LARGE1: variants seen among roughly 807,000 people sequenced by gnomAD.
LARGE1 encodes xylosyl- and glucuronyltransferase LARGE1.
A neutral mutation model predicts 87.6 loss-of-function variants in LARGE1; 43 were observed. The ratio of observed to expected loss-of-function variants is 0.49; its 90% confidence interval spans 0.38 to 0.63. The LOEUF (loss-of-function observed/expected upper bound fraction) is 0.63, where lower values mean the gene tolerates loss of function less well. Among genes scored for constraint, LARGE1 ranks in the 30% least tolerant of loss-of-function variants. The pLI, the probability that LARGE1 is intolerant of heterozygous loss-of-function variation, is 0.00. For missense variants in LARGE1, 802 were observed against 1,000.2 expected (o/e 0.80, Z 2.67); for synonymous variants, 434 against 394.6 (o/e 1.10, Z -1.18).
Position 33,438,225 on chromosome 22 carries a change from A to G in LARGE1, c.788-5960T>C, listed in dbSNP as rs189851030. Among the ~76,000 whole-genome samples, 3 of 152,202 alleles carry G rather than the reference A, an allele frequency of 2.0e-5. No homozygotes were observed. The East Asian group carries it at 5.8e-4, about 29-fold the overall frequency. On this transcript the variant is annotated intron_variant, in intron 6 of 14. Coordinates refer to ENST00000397394, the MANE Select transcript of LARGE1 (RefSeq NM_133642.5). ...ACATCTTCAGCTTGCCATCGTGTGA[A>G]GAGGTAAAATCCCAGGGGATTCCTT...
intron 9 of LARGE1, among the ~76,000 whole-genome samples, chr22:33,339,243 T>C (rs899824170): frequency 6.6e-6 from 1 of 150,834 alleles, no homozygotes; most frequent in African/African-American, 2.4e-5. Context: ...GTGCTGGAGC[T>C]TGAGGGAGAC....
At chr22:33,840,436 G>A (rs143682139) in intron 1 of LARGE1, among the ~76,000 whole-genome samples, 1 of 152,252 alleles carries the variant, frequency 6.6e-6, no homozygotes, top group Non-Finnish European at 1.5e-5. Context: ...AAAATACTGA[G>A]AGTAATATAG....
rs1396319264 is a variant in LARGE1, at chr22:33,686,841, A to G, written c.107-36173T>C. ...AATATAGGATGTTCAATTATGTCCA[A>G]ACTAAACAATTATCCATCGTTTATC... On this transcript the variant is annotated intron_variant, in intron 2 of 14. Coordinates refer to ENST00000397394, the MANE Select transcript of LARGE1 (RefSeq NM_133642.5). 4.6e-5 allele frequency among the ~76,000 whole-genome samples: 7 copies of G among 152,332 alleles called. No individual in the cohort carries two copies. The East Asian group carries it at 1.4e-3, about 29-fold the overall frequency.
At chr22:33,103,842 T>C in the LARGE1 span, among the ~76,000 whole-genome samples, 1 of 152,196 alleles carries the variant, frequency 6.6e-6, no homozygotes, top group Non-Finnish European at 1.5e-5. Flanking sequence ...TGGTTTCCCT[T>C]ATACTGTTCT....
intron 5 of LARGE1, among the ~76,000 whole-genome samples, chr22:33,568,318 CA>C (rs2078088280): frequency 6.6e-6 from 1 of 152,196 alleles, no homozygotes; most frequent in Non-Finnish European, 1.5e-5. Context: ...TAACGGAAAC[CA>C]GAGCGAAAGC....
downstream of LARGE1, among the ~76,000 whole-genome samples, chr22:33,268,947 T>C (rs1371090082): frequency 6.6e-6 from 1 of 152,216 alleles, no homozygotes; most frequent in Non-Finnish European, 1.5e-5. Flanking sequence ...ATAACATTAA[T>C]AAACTCAAAA....
At chr22:33,443,547 A>G (rs1390991029) in intron 6 of LARGE1, among the ~76,000 whole-genome samples, 1 of 152,196 alleles carries the variant, frequency 6.6e-6, no homozygotes, top group Non-Finnish European at 1.5e-5. Context: ...TTGAGCTGAG[A>G]GGACATCCTA....
chr22:33,223,034 T>C (rs1050792962), intron 11 of LARGE1, among the ~76,000 whole-genome samples: 3 of 152,182 alleles, frequency 2.0e-5, no homozygotes, highest in Admixed American at 6.5e-5. Flanking sequence ...GGGAGACGCA[T>C]GGGTGTGAAG....
intron 11 of LARGE1, among the ~76,000 whole-genome samples, chr22:33,254,506 T>C (rs1479337899): frequency 1.3e-5 from 2 of 152,208 alleles, no homozygotes; most frequent in Non-Finnish European, 2.9e-5. Context: ...GTGCTACATA[T>C]CACTGTGGGG....
At chr22:33,082,370 G>T in the LARGE1 span, among the ~76,000 whole-genome samples, 3 of 152,140 alleles carry the variant, frequency 2.0e-5, no homozygotes, top group African/African-American at 7.2e-5. Flanking sequence ...GGAGTCATTT[G>T]CTGATCATCT....
chr22:33,654,118 G>A (rs1322059537), intron 2 of LARGE1, among the ~76,000 whole-genome samples: 1 of 152,118 alleles, frequency 6.6e-6, no homozygotes, highest in African/African-American at 2.4e-5. Flanking sequence ...TCTCAAAGAC[G>A]TGCGGGGGTT....
At chr22:33,818,305 G>A (rs185807227) in intron 1 of LARGE1, among the ~76,000 whole-genome samples, 104 of 152,252 alleles carry the variant, frequency 6.8e-4, no homozygotes, top group Admixed American at 2.9e-3. Context: ...GTAGTCTGTC[G>A]CTGCAAGGAG....
chr22:33,074,229 T>A, the LARGE1 span, among the ~76,000 whole-genome samples: 1 of 152,108 alleles, frequency 6.6e-6, no homozygotes, highest in Non-Finnish European at 1.5e-5. Flanking sequence ...CGGGACCGCT[T>A]CCCACATCTC....
chr22:33,538,246 C>T lies in LARGE1; in HGVS notation c.787+26602G>A, dbSNP rs148741937. On this transcript the variant is annotated intron_variant, in intron 6 of 14. Transcript: ENST00000397394. ...CCAAGTGGAAGTAACTCTCCTTCAACTATGCCTGCACCATGCTTTTGGAAA... is the reference window on the plus strand; with the variant it reads ...CCAAGTGGAAGTAACTCTCCTTCAATTATGCCTGCACCATGCTTTTGGAAA... 3.5e-3 allele frequency among the ~76,000 whole-genome samples: 537 copies of T among 152,358 alleles called. 1 individual carries two copies. Among genetic ancestry groups the T allele is most frequent in the African/African-American group, 9.8e-3 (406 of 41,582 alleles).
At chr22:33,507,172 C>T (rs2070806642) in intron 6 of LARGE1, among the ~76,000 whole-genome samples, 2 of 152,186 alleles carry the variant, frequency 1.3e-5, no homozygotes, top group Non-Finnish European at 2.9e-5. Context: ...AGGCTGATGA[C>T]ATGAACATCC....
At chr22:33,076,981 A>G in the LARGE1 span, among the ~76,000 whole-genome samples, 1 of 152,152 alleles carries the variant, frequency 6.6e-6, no homozygotes, top group Non-Finnish European at 1.5e-5. Flanking sequence ...TCAGGGTTGT[A>G]CTACTCACTG....
chr22:33,904,383 T>C (rs2065373793), intron 1 of LARGE1, among the ~76,000 whole-genome samples: 1 of 152,242 alleles, frequency 6.6e-6, no homozygotes, highest in Non-Finnish European at 1.5e-5. Flanking sequence ...CTCAATCTCC[T>C]GACCTCGTGG....
chr22:33,832,423 C>A (rs2062996764), intron 1 of LARGE1, among the ~76,000 whole-genome samples: 1 of 152,124 alleles, frequency 6.6e-6, no homozygotes, highest in African/African-American at 2.4e-5. Flanking sequence ...AACTGGAGGG[C>A]CCATGGGACA....
At chr22:33,735,947 A>C (rs970695345) in intron 2 of LARGE1, among the ~76,000 whole-genome samples, 1 of 152,216 alleles carries the variant, frequency 6.6e-6, no homozygotes, top group Non-Finnish European at 1.5e-5. Flanking sequence ...AATTTCACCC[A>C]TGTTATAGCA....
Sources: gnomAD v4.1 joint callset for allele counts (sites outside exome capture counted in the v4.1 genomes callset) on GRCh38, gnomAD v4.1.1 for gene constraint, MANE v1.5 for transcripts, NCBI Gene and HGNC (gene_info 2026-07-23, HGNC 2026-07-21) for gene names.